The following PDCD11 variants were observed in gnomAD, a reference collection of about 807,000 sequenced individuals.
The protein encoded by PDCD11 is programmed cell death 11, also known as protein RRP5 homolog.
PDCD11 carries 97 observed loss-of-function variants against 198.9 expected under a neutral mutation model. The observed-to-expected ratio is 0.49, with a 90% CI of 0.41 to 0.58. The LOEUF (loss-of-function observed/expected upper bound fraction) is 0.58. Among genes scored for constraint, PDCD11 ranks in the 20% least tolerant of loss-of-function variants. The pLI is 0.00. For synonymous variants in PDCD11, 893 were observed against 918.0 expected (o/e 0.97, Z 0.49); for missense variants, 2,102 against 2,312.7 (o/e 0.91, Z 1.87).
intron 17 of PDCD11, among the ~76,000 whole-genome samples, chr10:103,421,809 A>C (rs2031445636): frequency 6.7e-6 from 1 of 149,628 alleles, no homozygotes; most frequent in African/African-American, 2.4e-5. Context: ...CTAAAAATAC[A>C]AAAAAAAATT....
At chr10:103,407,602 G>T (rs970229925) in intron 7 of PDCD11, among the ~76,000 whole-genome samples, 9 of 151,918 alleles carry the variant, frequency 5.9e-5, no homozygotes, top group Non-Finnish European at 1.3e-4. Context: ...TAGAGGTGAA[G>T]TCTTACTCTG....
At chr10:103,432,311 C>T (rs2031970407) in intron 22 of PDCD11, 77 bp downstream of exon 22, 2 of 1,051,060 alleles carry the variant, frequency 1.9e-6, no homozygotes, top group African/African-American at 3.1e-5. Flanking sequence ...AGAGAAAAGC[C>T]ATTAGCAGAG....
chr10:103,418,830 G>A (rs978247881), intron 15 of PDCD11, among the ~76,000 whole-genome samples, 196 bp downstream of exon 15: 2 of 152,166 alleles, frequency 1.3e-5, no homozygotes, highest in Admixed American at 6.5e-5. Flanking sequence ...TGGTCAGGGC[G>A]GAGTAGCCTG....
At chr10:103,435,014 A>C in intron 25 of PDCD11, 39 bp downstream of exon 25, 1 of 1,375,280 alleles carries the variant, frequency 7.3e-7, no homozygotes, top group South Asian at 1.8e-5. Context: ...CTGTCTGTGG[A>C]ATTGGTATAT....
rs2032577606 is a variant in PDCD11 at position 103,445,611 on chromosome 10, C to G, written c.*62C>G. 12 of 1,469,174 alleles carry G rather than the reference C, an allele frequency of 8.2e-6. No homozygotes were observed. The highest frequency in any genetic ancestry group is 1.1e-5 in the Non-Finnish European group (12 of 1,068,282). 91.0% of individuals were successfully genotyped at this position (1,469,174 alleles called of 1,614,324 possible). On this transcript the variant is annotated 3_prime_UTR_variant, in exon 36 of 36. Coordinates refer to ENST00000369797, the MANE Select transcript of PDCD11 (RefSeq NM_014976.2). ...GCCAGCCCGGCCCCGCCTCGAGTGCCTGGGCACTCGGAAAACTGTTACCTC... is the reference window on the plus strand; with the variant it reads ...GCCAGCCCGGCCCCGCCTCGAGTGCGTGGGCACTCGGAAAACTGTTACCTC...
intron 18 of PDCD11, 144 bp downstream of exon 18, chr10:103,423,281 C>A: frequency 2.5e-6 from 2 of 800,096 alleles, no homozygotes; most frequent in Non-Finnish European, 3.8e-6. Context: ...TGTGTGAATG[C>A]AAAGGCTTAG....
Position 103,441,921 on chromosome 10 carries a change from A to G in PDCD11, c.4653A>G (p.Pro1551=). Residue 1551 remains proline, a synonymous_variant, in exon 31 of 36, where the codon CCA becomes CCG. Coordinates refer to ENST00000369797, the MANE Select transcript of PDCD11 (RefSeq NM_014976.2). ...TAGACTCTCTGACCCCGGCCTTGCC[A>G]CCTCTAGCAGAGAGCTCAGACAGCG... The part of the protein sequence containing the change: ...VGLDSLTPAL[P]PLAESSDSEE... 1 of 1,614,200 alleles carries G rather than the reference A, an allele frequency of 6.2e-7. No individual in the cohort carries two copies. The highest frequency in any genetic ancestry group is 8.5e-7 in the Non-Finnish European group (1 of 1,180,036).
chr10:103,426,280 A>T (rs73330619), intron 20 of PDCD11, among the ~76,000 whole-genome samples: 1,736 of 152,298 alleles, frequency 0.011, 28 homozygotes, highest in African/African-American at 0.039. Context: ...ATCTAGTGCC[A>T]CATGTTACTG....
intron 18 of PDCD11, 103 bp from the exon 19 acceptor site, chr10:103,423,440 C>G (rs567346295): frequency 2.3e-6 from 2 of 874,714 alleles, no homozygotes; most frequent in Admixed American, 1.9e-5. Context: ...CATGTGTCCT[C>G]TTTGCTTTTT....
chr10:103,419,236 C>G (rs1480317137), intron 15 of PDCD11, among the ~76,000 whole-genome samples: 2 of 152,078 alleles, frequency 1.3e-5, no homozygotes, highest in Non-Finnish European at 2.9e-5. Context: ...CTCTAGTAAT[C>G]TGCAGATTAG....
intron 20 of PDCD11, 40 bp downstream of exon 20, chr10:103,425,565 T>G (rs1415070836): frequency 1.3e-6 from 2 of 1,549,502 alleles, no homozygotes; most frequent in African/African-American, 1.4e-5. Flanking sequence ...CGAGGGAGAT[T>G]GTTGTTGTTG....
intron 26 of PDCD11, among the ~76,000 whole-genome samples, chr10:103,438,460 C>G (rs1281024058): frequency 6.6e-6 from 1 of 152,192 alleles, no homozygotes. Context: ...TTTGACCTCT[C>G]TGGCTTGGTC....
In PDCD11 at chr10:103,439,830, C is replaced by A; in HGVS notation, c.4110C>A (p.His1370Gln). The change falls in exon 28 of 36, where the codon CAC becomes CAA. Residue 1370 changes from histidine to glutamine, a missense_variant. Physicochemically the swap from His to Gln is conservative, Grantham distance 24. Coordinates refer to ENST00000369797, the MANE Select transcript of PDCD11 (RefSeq NM_014976.2). ...SPSKKALYNK[H>Q]LPEGKLLTAR... is the part of the protein sequence containing the mutation. ...CCAAGAAAGCCCTTTATAACAAACACCTCCCTGAAGGGAAGCTGCTCACAG... is the reference window on the plus strand; with the variant it reads ...CCAAGAAAGCCCTTTATAACAAACAACTCCCTGAAGGGAAGCTGCTCACAG... 3.1e-6 allele frequency: 5 copies of A among 1,614,188 alleles called. No individual in the cohort carries two copies. The highest frequency in any genetic ancestry group is 4.2e-6 in the Non-Finnish European group (5 of 1,180,012).
At chr10:103,417,694 G>C in intron 13 of PDCD11, 98 bp from the exon 14 acceptor site, 2 of 1,300,004 alleles carry the variant, frequency 1.5e-6, no homozygotes, top group Non-Finnish European at 2.1e-6. Context: ...AGGCTCGGTA[G>C]ATCTCCCAAG....
At position 103,400,262 on chromosome 10, in the gene PDCD11, A is replaced by G. The variant is rs1430853378; in HGVS notation, c.103-135A>G. ...TTTTTTAAGCAAGAATTAAAGGAAC[A>G]ATTGGGAGTGGGATGGGGTAGGGTG... is the stretch of plus-strand genomic sequence containing the variant. On this transcript the variant is annotated intron_variant, in intron 2 of 35. Coordinates refer to ENST00000369797, the MANE Select transcript of PDCD11 (RefSeq NM_014976.2). The G allele has an allele frequency of 9.1e-5, 30 of 330,722 alleles. 1 individual carries two copies. The East Asian group carries it at 1.8e-3, about 20-fold the overall frequency. The allele number at this position is 330,722 out of a possible 1,614,324, so 20.5% of individuals were successfully genotyped here.
chr10:103,440,158 T>G, intron 28 of PDCD11, 132 bp from the exon 29 acceptor site: 1 of 1,355,370 alleles, frequency 7.4e-7, no homozygotes, highest in Non-Finnish European at 1.0e-6. Context: ...TTGAGAATAT[T>G]GAAAGGACTC....
At chr10:103,404,480 G>A (rs2030317120) in intron 4 of PDCD11, among the ~76,000 whole-genome samples, 1 of 151,998 alleles carries the variant, frequency 6.6e-6, no homozygotes, top group Non-Finnish European at 1.5e-5. Flanking sequence ...TGTATTTTTA[G>A]TAGAGACAGG....
chr10:103,421,502 G>A lies in PDCD11; in HGVS notation c.2432G>A (p.Ser811Asn). ...DCGLGDLAIT[S>N]LLLLNQCLEE... is the part of the protein sequence containing the mutation. ...GGTCTGGGGGACTTGGCTATCACCA[G>A]CCTCCTCCTCCTGAATCAGTGCCTG... The change falls in exon 17 of 36, where the codon AGC (serine) becomes AAC (asparagine). Residue 811 changes from serine (S) to asparagine (N), a missense_variant. Transcript: ENST00000369797. 1 of 1,591,444 alleles carries A rather than the reference G, an allele frequency of 6.3e-7. No homozygotes were observed. The highest frequency in any genetic ancestry group is 2.3e-5 in the East Asian group (1 of 44,286).
At position 103,406,946 on chromosome 10, in the gene PDCD11, G is replaced by T. The variant is rs535451212; in HGVS notation, c.870+156G>T. On this transcript the variant is annotated intron_variant, in intron 7 of 35. Transcript: ENST00000369797. ...TGTGGCCAGTGCCACATGTTGAAAT[G>T]ATAATATTTTGGATATATTAGGTTA... Among the ~76,000 whole-genome samples, 107 of 152,316 alleles carry T rather than the reference G, an allele frequency of 7.0e-4. 1 individual carries two copies. Among genetic ancestry groups the T allele is most frequent in the African/African-American group, 2.3e-3 (95 of 41,576 alleles).
Sources: allele counts gnomAD v4.1 joint callset (sites outside exome capture counted in the v4.1 genomes callset), GRCh38; gene constraint gnomAD v4.1.1; transcripts MANE v1.5; gene names NCBI Gene and HGNC (gene_info 2026-07-23, HGNC 2026-07-21).